Variants in BRICD5 observed in about 807,000 individuals in gnomAD.
The protein encoded by BRICD5 is BRICHOS domain containing 5.
BRICD5 carries 51 observed loss-of-function variants against 28.4 expected under a neutral mutation model. That is an observed-to-expected ratio of 1.80 (90% CI 1.43 to 2.27). BRICD5 has a LOEUF of 2.27. BRICD5 is among the 30% of genes most tolerant of loss of function. The probability of loss-of-function intolerance (pLI) is 0.00; values close to 1 mark genes in which losing one functional copy is unlikely to be tolerated. For synonymous variants in BRICD5, 177 were observed against 130.2 expected (o/e 1.36, Z -2.44); for missense variants, 456 against 309.6 (o/e 1.47, Z -3.55).
At position 2,209,771 on chromosome 16, in the gene BRICD5, G is replaced by A. The variant is rs528941630; in HGVS notation, c.439-65C>T. 26 of 1,496,410 alleles carry A rather than the reference G, an allele frequency of 1.7e-5. No individual in the cohort carries two copies. In the Admixed American group the frequency reaches 2.6e-4, roughly 15 times the overall value. 92.7% of individuals were successfully genotyped at this position (1,496,410 alleles called of 1,614,324 possible). On this transcript the variant is annotated intron_variant, in intron 4 of 5. Transcript: ENST00000328540. ...TCCCTGCTCCTGGCTTGGCAGGGCC[G>A]GGTACCCTCCAACCCCCAGTGATGT... is the stretch of plus-strand genomic sequence containing the variant.
intron 4 of BRICD5, 37 bp downstream of exon 4, chr16:2,209,912 GC>G: frequency 6.8e-7 from 1 of 1,477,320 alleles, no homozygotes; most frequent in Non-Finnish European, 9.0e-7. Flanking sequence ...CCTTTGTCTA[GC>G]CCCTGGCCCG....
In BRICD5 at chr16:2,209,988, C is replaced by T; in HGVS notation, c.400G>A (p.Asp134Asn). 2 of 1,548,648 alleles carry T rather than the reference C, an allele frequency of 1.3e-6. No homozygotes were observed. Among genetic ancestry groups the T allele is most frequent in the South Asian group, 2.4e-5 (2 of 81,974 alleles). The change falls in exon 4 of 6, where the codon GAT becomes AAT. Residue 134 changes from aspartate to asparagine, a missense_variant. Transcript: ENST00000328540. The stretch of plus-strand genomic sequence containing the variant: ...ACCAGCAGCCGCAGGGTCTCCCGAT[C>T]ACTGTCCTCCATCAGGCGGAGGAAG... Reference protein sequence around the residue: ...VCFLRLMEDSDRETLRLLVDT... With the variant: ...VCFLRLMEDSNRETLRLLVDT...
chr16:2,209,307 T>G lies in BRICD5; in HGVS notation c.*55A>C, dbSNP rs939138515. On this transcript the variant is annotated 3_prime_UTR_variant, in exon 6 of 6. Coordinates refer to ENST00000328540, the MANE Select transcript of BRICD5 (RefSeq NM_182563.4). Reference sequence around the variant, plus strand: ...CAGCAGCTGTCCTCCCTGGTGCAGGTGGCCTGGCCAGCCCACTGGATTGGG... The same window carrying G: ...CAGCAGCTGTCCTCCCTGGTGCAGGGGGCCTGGCCAGCCCACTGGATTGGG... 1 of 1,502,266 alleles carries G rather than the reference T, an allele frequency of 6.7e-7. No homozygotes were observed. The highest frequency in any genetic ancestry group is 1.2e-5 in the South Asian group (1 of 85,064). 93.1% of individuals were successfully genotyped at this position (1,502,266 alleles called of 1,614,324 possible).
In BRICD5 at chr16:2,209,295, C is replaced by T. The variant is rs2093358276; in HGVS notation, c.*67G>A. ...ATTAGTCCCTGCCAGCAGCTGTCCTCCCTGGTGCAGGTGGCCTGGCCAGCC... is the reference window on the plus strand; with the variant it reads ...ATTAGTCCCTGCCAGCAGCTGTCCTTCCTGGTGCAGGTGGCCTGGCCAGCC... On this transcript the variant is annotated 3_prime_UTR_variant, in exon 6 of 6. Coordinates refer to ENST00000328540, the MANE Select transcript of BRICD5 (RefSeq NM_182563.4). 2.1e-6 allele frequency: 3 copies of T among 1,415,612 alleles called. No homozygotes were observed. In the South Asian group the frequency reaches 3.7e-5, roughly 17 times the overall value. The allele number at this position is 1,415,612 out of a possible 1,614,324, so 87.7% of individuals were successfully genotyped here.
chr16:2,209,608 A>G lies in BRICD5; in HGVS notation c.537T>C (p.Ala179=). The G allele has an allele frequency of 6.2e-7, 1 of 1,612,798 alleles. No homozygotes were observed. The highest frequency in any genetic ancestry group is 8.5e-7 in the Non-Finnish European group (1 of 1,179,926). Residue 179 remains alanine (A), a synonymous_variant, in exon 5 of 6, where the codon GCT becomes GCC. Transcript: ENST00000328540. The part of the protein sequence containing the change: ...SLEVDPAQAG[A]LVQRLCMRTP... ...TCCTCATGCACAGGCGCTGCACCAA[A>G]GCCCCCGCCTGGGCGGGGTCCACTT...
At position 2,210,540 on chromosome 16, in the gene BRICD5, A is replaced by C. The variant is rs1473448488; in HGVS notation, c.162T>G (p.Ser54=). Residue 54 remains serine, a synonymous_variant, in exon 2 of 6, where the codon TCT becomes TCG. Transcript: ENST00000328540. ...VGVVAGGLLG[S]AQGPPKPRLQ... is the part of the protein sequence containing the mutation. ...GGCTCACCTTGGGAGGGCCCTGAGC[A>C]GAGCCAAGAAGCCCTCCAGCCACAA... 6.2e-7 allele frequency: 1 copy of C among 1,611,760 alleles called. No individual in the cohort carries two copies. Among genetic ancestry groups the C allele is most frequent in the East Asian group, 2.2e-5 (1 of 44,870 alleles).
At position 2,209,934 on chromosome 16, in the gene BRICD5, C is replaced by T; in HGVS notation, c.438+16G>A. 2 of 1,509,090 alleles carry T rather than the reference C, an allele frequency of 1.3e-6. No individual in the cohort carries two copies. The highest frequency in any genetic ancestry group is 1.8e-6 in the Non-Finnish European group (2 of 1,128,308). 93.5% of individuals were successfully genotyped at this position (1,509,090 alleles called of 1,614,324 possible). On this transcript the variant is annotated intron_variant, in intron 4 of 5. Transcript: ENST00000328540. ...CTAGCCCCTGGCCCGGGCCTGCGCC[C>T]AGCAGGACGGCTCACCTTGGAGGTA...
rs199638019 is a variant in BRICD5, at chr16:2,209,565, G to A, written c.580C>T (p.Arg194Trp). The A allele has an allele frequency of 7.6e-5, 122 of 1,611,908 alleles. No individual in the cohort carries two copies. In the Middle Eastern group the frequency reaches 1.5e-3, roughly 20 times the overall value. The change falls in exon 5 of 6, where the codon CGG becomes TGG. Residue 194 changes from arginine to tryptophan, a missense_variant. By Grantham distance (101) the Arg-to-Trp change is moderately radical. Coordinates refer to ENST00000328540, the MANE Select transcript of BRICD5 (RefSeq NM_182563.4). ...LCMRTPIYWA[R>W]RAEGPRRQRL... ...GGTCCTGACTCACCCTCTGCTCGCC[G>A]GGCCCAGTAGATGGGGGTCCTCATG...
Position 2,209,361 on chromosome 16 carries a change from C to T in BRICD5, c.*1G>A. On this transcript the variant is annotated 3_prime_UTR_variant, in exon 6 of 6. Transcript: ENST00000328540. ...GGGCCAGGCTGGGCCAGGTCGGGGG[C>T]TCAGTCTGGGAGGTAATAAAAGCAG... 6.2e-7 allele frequency: 1 copy of T among 1,609,126 alleles called. No individual in the cohort carries two copies. The highest frequency in any genetic ancestry group is 8.5e-7 in the Non-Finnish European group (1 of 1,176,342).
rs769784762 is a variant in BRICD5, at chr16:2,209,335, CGGGCCAGGCT to C, written c.*17_*26del. On this transcript the variant is annotated 3_prime_UTR_variant, in exon 6 of 6. Transcript: ENST00000328540. Reference sequence around the variant, plus strand: ...CCTGGCCAGCCCACTGGATTGGGGACGGGCCAGGCTGGGCCAGGTCGGGGGCTCAGTCTGG... The same window carrying C: ...CCTGGCCAGCCCACTGGATTGGGGACGGGCCAGGTCGGGGGCTCAGTCTGG... 3.3e-4 allele frequency: 523 copies of C among 1,595,114 alleles called. No homozygotes were observed. The highest frequency in any genetic ancestry group is 4.1e-4 in the Non-Finnish European group (483 of 1,166,602).
Position 2,210,605 on chromosome 16 carries a change from G to A in BRICD5, c.97C>T (p.Leu33Phe). The A allele has an allele frequency of 6.2e-7, 1 of 1,612,594 alleles. No individual in the cohort carries two copies. The highest frequency in any genetic ancestry group is 8.5e-7 in the Non-Finnish European group (1 of 1,179,624). Residue 33 changes from leucine to phenylalanine, a missense_variant, in exon 2 of 6, where the codon CTC (leucine) becomes TTC (phenylalanine). By Grantham distance (22) the Leu-to-Phe change is conservative (BLOSUM62 0). Coordinates refer to ENST00000328540, the MANE Select transcript of BRICD5 (RefSeq NM_182563.4). ...AGCACCAGCAGCAGCAGCAGCAGGAGCAGGCTCACGGCTCTCCAGCCCCCG... is the reference window on the plus strand; with the variant it reads ...AGCACCAGCAGCAGCAGCAGCAGGAACAGGCTCACGGCTCTCCAGCCCCCG... Reference protein sequence around the residue: ...SCGGWRAVSLLLLLLLLVLAA... With the variant: ...SCGGWRAVSLFLLLLLLVLAA...
At position 2,209,404 on chromosome 16, in the gene BRICD5, G is replaced by A. The variant is rs767222604; in HGVS notation, c.645C>T (p.Ser215=). ...IYLCIDICFP[S]NICVSVCFYY... ...AAAAGCAGACCGACACGCAGATGTTGCTCGGGAAGCAGATGTCGATGCAGA... is the reference window on the plus strand; with the variant it reads ...AAAAGCAGACCGACACGCAGATGTTACTCGGGAAGCAGATGTCGATGCAGA... Residue 215 remains serine (S), a synonymous_variant, in exon 6 of 6, where the codon AGC becomes AGT. Coordinates refer to ENST00000328540, the MANE Select transcript of BRICD5 (RefSeq NM_182563.4). The A allele has an allele frequency of 5.0e-6, 8 of 1,613,726 alleles. No homozygotes were observed. Among genetic ancestry groups the A allele is most frequent in the Middle Eastern group, 1.6e-4 (1 of 6,084 alleles).
At chr16:2,209,493 C>A in intron 5 of BRICD5, 37 bp from the exon 6 acceptor site, 1 of 1,613,106 alleles carries the variant, frequency 6.2e-7, no homozygotes, top group Non-Finnish European at 8.5e-7. Context: ...AAGGGCTCCG[C>A]CCCCAGCTCC....
Position 2,209,952 on chromosome 16 carries a change from T to C in BRICD5, c.436A>G (p.Lys146Glu). 3 of 1,528,376 alleles carry C rather than the reference T, an allele frequency of 2.0e-6. 1 individual carries two copies. In the South Asian group the frequency reaches 3.8e-5, roughly 19 times the overall value. The allele number at this position is 1,528,376 out of a possible 1,614,324, so 94.7% of individuals were successfully genotyped here. ...CTGCGCCCAGCAGGACGGCTCACCTTGGAGGTATCCACCAGCAGCCGCAGG... is the reference window on the plus strand; with the variant it reads ...CTGCGCCCAGCAGGACGGCTCACCTCGGAGGTATCCACCAGCAGCCGCAGG... ...ETLRLLVDTS[K>E]VQEAWVPSQD... is the part of the protein sequence containing the mutation. Residue 146 changes from lysine to glutamate, a missense_variant and splice_region_variant, in exon 4 of 6, where the codon AAG becomes GAG. By Grantham distance (56) the Lys-to-Glu change is moderately conservative (BLOSUM62 1). Transcript: ENST00000328540.
In BRICD5 at chr16:2,210,005, C is replaced by G. The variant is rs746698270; in HGVS notation, c.383G>C (p.Arg128Pro). ...RPEEHQVCFL[R>P]LMEDSDRETL... ...CTCCCGATCACTGTCCTCCATCAGGCGGAGGAAGCAGACCTGGTGCTCCTC... is the reference window on the plus strand; with the variant it reads ...CTCCCGATCACTGTCCTCCATCAGGGGGAGGAAGCAGACCTGGTGCTCCTC... Residue 128 changes from arginine to proline, a missense_variant, in exon 4 of 6, where the codon CGC becomes CCC. Physicochemically the swap from Arg to Pro is moderately radical, Grantham distance 103 (BLOSUM62 -2). Transcript: ENST00000328540. 1 of 1,560,330 alleles carries G rather than the reference C, an allele frequency of 6.4e-7. No homozygotes were observed. Among genetic ancestry groups the G allele is most frequent in the African/African-American group, 1.4e-5 (1 of 73,972 alleles).
At position 2,209,399 on chromosome 16, in the gene BRICD5, A is replaced by T; in HGVS notation, c.650T>A (p.Ile217Asn). The part of the protein sequence containing the change: ...LCIDICFPSN[I>N]CVSVCFYYLP... The stretch of plus-strand genomic sequence containing the variant: ...GTAATAAAAGCAGACCGACACGCAG[A>T]TGTTGCTCGGGAAGCAGATGTCGAT... Residue 217 changes from isoleucine (I) to asparagine (N), a missense_variant, in exon 6 of 6, where the codon ATC (isoleucine) becomes AAC (asparagine). Ile to Asn is a moderately radical substitution (Grantham distance 149, BLOSUM62 -3). Coordinates refer to ENST00000328540, the MANE Select transcript of BRICD5 (RefSeq NM_182563.4). 2 of 1,613,788 alleles carry T rather than the reference A, an allele frequency of 1.2e-6. No homozygotes were observed. The highest frequency in any genetic ancestry group is 1.7e-6 in the Non-Finnish European group (2 of 1,179,960).
Position 2,210,053 on chromosome 16 carries a change from T to C in BRICD5, c.337-2A>G, listed in dbSNP as rs1044429640. The C allele has an allele frequency of 3.7e-6, 6 of 1,600,006 alleles. No individual in the cohort carries two copies. The highest frequency in any genetic ancestry group is 1.3e-5 in the African/African-American group (1 of 74,722). The stretch of plus-strand genomic sequence containing the variant: ...CTCAGGGCGGTAACAGATGCAGCCC[T>C]GGGGAGGCAGGGGGGTGAGGCGGGG... On this transcript the variant is annotated splice_acceptor_variant, in intron 3 of 5. Coordinates refer to ENST00000328540, the MANE Select transcript of BRICD5 (RefSeq NM_182563.4). LOFTEE classifies it high-confidence loss of function.
Position 2,210,149 on chromosome 16 carries a change from C to A in BRICD5, c.313G>T (p.Ala105Ser). The change falls in exon 3 of 6, where the codon GCG (alanine) becomes TCG (serine). Residue 105 changes from alanine to serine, a missense_variant. Physicochemically the swap from Ala to Ser is moderately conservative, Grantham distance 99. Transcript: ENST00000328540. ...ACGCTCTGCCCGTCGAACAGCACCG[C>A]CCAGCTGTGGTTGCTCTGAGGTGGG... The part of the protein sequence containing the change: ...VTPPQSNHSW[A>S]VLFDGQSGCI... The A allele has an allele frequency of 6.2e-7, 1 of 1,609,328 alleles. No homozygotes were observed. The highest frequency in any genetic ancestry group is 8.5e-7 in the Non-Finnish European group (1 of 1,178,794).
intron 2 of BRICD5, 24 bp downstream of exon 2, chr16:2,210,498 C>A: frequency 6.3e-7 from 1 of 1,589,366 alleles, no homozygotes; most frequent in Non-Finnish European, 8.6e-7. Flanking sequence ...CTGTCCATGT[C>A]CCTGGTGCTG....
Sources: gnomAD v4.1 joint callset for allele counts on GRCh38, gnomAD v4.1.1 for gene constraint, MANE v1.5 for transcripts, NCBI Gene and HGNC (gene_info 2026-07-23, HGNC 2026-07-21) for gene names.